The following BFSP2 variants were observed in gnomAD, a reference collection of about 807,000 sequenced individuals.
BFSP2 encodes the protein phakinin.
A neutral mutation model predicts 44.9 loss-of-function variants in BFSP2; 38 were observed. The observed-to-expected ratio is 0.85, with a 90% CI of 0.65 to 1.11. BFSP2 has a LOEUF of 1.11. BFSP2 is among the 50% of genes least tolerant of loss of function. BFSP2 has a pLI of 0.00. For missense variants in BFSP2, 525 were observed against 533.0 expected (o/e 0.99, Z 0.15); for synonymous variants, 197 against 209.9 (o/e 0.94, Z 0.53).
chr3:133,431,213 G>C (rs1030081757), intron 1 of BFSP2, among the ~76,000 whole-genome samples: 1 of 151,896 alleles, frequency 6.6e-6, no homozygotes, highest in Non-Finnish European at 1.5e-5. Context: ...ATTAAATTCC[G>C]GCCCTCAAAC....
At position 133,448,640 on chromosome 3, in the gene BFSP2, GA is replaced by G; in HGVS notation, c.726del (p.Glu243ArgfsTer3). ...EELGSLSRNY[E>X]EDVKLLHKQL... ...ACTTGGCTCTCTATCAAGAAACTATGAAGAGGTAGGAGGGGGCTGGGGTTGC... is the reference window on the plus strand; with the variant it reads ...ACTTGGCTCTCTATCAAGAAACTATGAGAGGTAGGAGGGGGCTGGGGTTGC... On this transcript the variant is annotated frameshift_variant, in exon 3 of 7. Coordinates refer to ENST00000302334, the MANE Select transcript of BFSP2 (RefSeq NM_003571.4). LOFTEE classifies it high-confidence loss of function. The G allele has an allele frequency of 6.2e-7, 1 of 1,613,594 alleles. No homozygotes were observed. Among genetic ancestry groups the G allele is most frequent in the African/African-American group, 1.3e-5 (1 of 75,060 alleles).
intron 1 of BFSP2, among the ~76,000 whole-genome samples, chr3:133,430,884 T>C (rs142406710): frequency 0.085 from 12,979 of 151,930 alleles, 593 homozygotes; most frequent in Middle Eastern, 0.15. Context: ...TTTTATCACC[T>C]CCCCTCCTCA....
At chr3:133,410,425 A>G in intron 1 of BFSP2, 2 of 290,114 alleles carry the variant, frequency 6.9e-6, no homozygotes, top group South Asian at 3.7e-5. Context: ...CAGCACTCCA[A>G]GCCGCGCTCT....
At chr3:133,440,935 C>T (rs2073838977) in intron 1 of BFSP2, among the ~76,000 whole-genome samples, 1 of 152,084 alleles carries the variant, frequency 6.6e-6, no homozygotes, top group South Asian at 2.1e-4. Flanking sequence ...TCTCCTTGGA[C>T]ACCCAGTGGC....
At chr3:133,419,034 A>G (rs1001278535) in intron 1 of BFSP2, among the ~76,000 whole-genome samples, 2 of 152,172 alleles carry the variant, frequency 1.3e-5, no homozygotes, top group Non-Finnish European at 2.9e-5. Flanking sequence ...GAAGTCCAAG[A>G]TCAAGGTGTC....
At chr3:133,458,885 A>G (rs2074036949) in intron 4 of BFSP2, among the ~76,000 whole-genome samples, 1 of 152,152 alleles carries the variant, frequency 6.6e-6, no homozygotes, top group South Asian at 2.1e-4. Flanking sequence ...TCACTTATTC[A>G]TTCAAAATCT....
intron 2 of BFSP2, among the ~76,000 whole-genome samples, chr3:133,448,136 G>A (rs1196375664): frequency 6.6e-6 from 1 of 152,204 alleles, no homozygotes. Context: ...TGTCAGTAAT[G>A]TTTGTTAAAG....
At chr3:133,414,930 CTCACCCCTCTACTCACCCTGCCA>C in intron 1 of BFSP2, among the ~76,000 whole-genome samples, 1 of 127,778 alleles carries the variant, frequency 7.8e-6, no homozygotes, top group Admixed American at 7.6e-5. Flanking sequence ...GTCCCCTCTG[CTCACCCCTCTACTCACCCTGCCA>C]TCTCCCCTCT....
intron 1 of BFSP2, among the ~76,000 whole-genome samples, chr3:133,432,401 C>T (rs1038087355): frequency 1.3e-5 from 2 of 152,196 alleles, no homozygotes; most frequent in African/African-American, 2.4e-5. Context: ...CTGCACCCCT[C>T]GTCCCAGCCT....
intron 1 of BFSP2, among the ~76,000 whole-genome samples, chr3:133,401,979 G>C (rs1259378500): frequency 2.0e-5 from 3 of 152,110 alleles, no homozygotes; most frequent in Non-Finnish European, 4.4e-5. Context: ...TGTTCTGCTT[G>C]CATCCATCTG....
At chr3:133,430,106 T>C (rs2073697238) in intron 1 of BFSP2, among the ~76,000 whole-genome samples, 2 of 151,932 alleles carry the variant, frequency 1.3e-5, no homozygotes, top group Admixed American at 1.3e-4. Context: ...TATGGCTGCA[T>C]AGTATTCCAT....
chr3:133,414,495 TCC>T, intron 1 of BFSP2, among the ~76,000 whole-genome samples: 1 of 74,980 alleles, frequency 1.3e-5, no homozygotes, highest in Non-Finnish European at 2.5e-5. Context: ...CCCTGCTCTC[TCC>T]CCTCTACTCA....
intron 1 of BFSP2, chr3:133,429,355 G>A (rs992435180): frequency 1.3e-5 from 2 of 152,254 alleles, no homozygotes; most frequent in Admixed American, 1.3e-4. Flanking sequence ...CAAGATCAAA[G>A]TGTCAGCAGG....
chr3:133,437,699 A>G (rs920824586), intron 1 of BFSP2, among the ~76,000 whole-genome samples: 3 of 152,252 alleles, frequency 2.0e-5, no homozygotes, highest in African/African-American at 7.2e-5. Context: ...GAACTGAGCT[A>G]TTTAACATTA....
At chr3:133,452,907 A>G (rs1221188335) in intron 4 of BFSP2, among the ~76,000 whole-genome samples, 1 of 150,130 alleles carries the variant, frequency 6.7e-6, no homozygotes, top group Admixed American at 6.6e-5. Context: ...TATGAAAAAG[A>G]AAAAAAAAAG....
In BFSP2 at chr3:133,450,324, C is replaced by T. The variant is rs2073950327; in HGVS notation, c.751C>T (p.Gln251Ter). 2 of 1,614,058 alleles carry T rather than the reference C, an allele frequency of 1.2e-6. No homozygotes were observed. Among genetic ancestry groups the T allele is most frequent in the African/African-American group, 1.3e-5 (1 of 74,916 alleles). ...YEEDVKLLHK[Q>*]LAGCELEQMD... ...TCAGGATGTGAAGCTGCTGCACAAACAGTTGGCAGGGTGTGAGCTGGAACA... is the reference window on the plus strand; with the variant it reads ...TCAGGATGTGAAGCTGCTGCACAAATAGTTGGCAGGGTGTGAGCTGGAACA... The change falls in exon 4 of 7, where the codon CAG becomes TAG. Residue 251 changes from glutamine (Q) to a stop codon, truncating the protein, a stop_gained. Transcript: ENST00000302334. LOFTEE classifies it high-confidence loss of function.
At chr3:133,416,427 A>C in intron 1 of BFSP2, among the ~76,000 whole-genome samples, 2 of 102,088 alleles carry the variant, frequency 2.0e-5, no homozygotes, top group Non-Finnish European at 3.9e-5. Context: ...CCCTATACTC[A>C]ACCCTGTCGT....
chr3:133,426,648 T>C (rs560253492), intron 1 of BFSP2, among the ~76,000 whole-genome samples: 4 of 152,342 alleles, frequency 2.6e-5, no homozygotes, highest in East Asian at 3.9e-4. Flanking sequence ...TGATTCTTCA[T>C]CTTTCATGAT....
chr3:133,447,344 C>A lies in BFSP2; in HGVS notation c.517C>A (p.Arg173=), dbSNP rs375380005. Residue 173 remains arginine, a synonymous_variant, in exon 2 of 7, where the codon CGG becomes AGG. Coordinates refer to ENST00000302334, the MANE Select transcript of BFSP2 (RefSeq NM_003571.4). ...GGGTGAGGCAGTCTTGGAAAATGCCCGGCTCATGCTGCAGACAGAAACTAT... is the reference window on the plus strand; with the variant it reads ...GGGTGAGGCAGTCTTGGAAAATGCCAGGCTCATGCTGCAGACAGAAACTAT... ...QVGEAVLENA[R]LMLQTETIQA... 6.2e-6 allele frequency: 10 copies of A among 1,613,818 alleles called. No individual in the cohort carries two copies. The highest frequency in any genetic ancestry group is 6.8e-6 in the Non-Finnish European group (8 of 1,180,004).
Sources: allele counts gnomAD v4.1 joint callset (sites outside exome capture counted in the v4.1 genomes callset), GRCh38; gene constraint gnomAD v4.1.1; transcripts MANE v1.5; gene names NCBI Gene and HGNC (gene_info 2026-07-23, HGNC 2026-07-21).